Variants in KIAA1217 observed in about 807,000 individuals in gnomAD.
KIAA1217 encodes sickle tail protein homolog.
Under a neutral mutation model 163.9 loss-of-function variants are expected in KIAA1217, and 88 were observed. That is an observed-to-expected ratio of 0.54 (90% CI 0.45 to 0.64). The LOEUF is 0.64. Among genes scored for constraint, KIAA1217 ranks in the 30% least tolerant of loss-of-function variants. The pLI, the probability that KIAA1217 is intolerant of heterozygous loss-of-function variation, is 0.00. For synonymous variants in KIAA1217, 903 were observed against 923.1 expected, an observed-to-expected ratio of 0.98 and a Z score of 0.39; for missense variants, 2,372 against 2,475.0, an observed-to-expected ratio of 0.96 and a Z score of 0.88.
intron 5 of KIAA1217, among the ~76,000 whole-genome samples, chr10:24,472,612 C>A (rs541647036): frequency 9.8e-4 from 150 of 152,286 alleles, no homozygotes; most frequent in African/African-American, 3.4e-3. Flanking sequence ...TTTAAGCCAC[C>A]ACACTATTTT....
intron 1 of KIAA1217, among the ~76,000 whole-genome samples, chr10:23,802,424 C>CT (rs1282369953): frequency 6.6e-6 from 1 of 152,194 alleles, no homozygotes; most frequent in Non-Finnish European, 1.5e-5. Flanking sequence ...CATAGTTTAT[C>CT]TACCTTTACA....
chr10:24,378,067 G>A (rs982920553), intron 2 of KIAA1217, among the ~76,000 whole-genome samples: 4 of 152,178 alleles, frequency 2.6e-5, no homozygotes, highest in Non-Finnish European at 4.4e-5. Flanking sequence ...ATACAGATTC[G>A]CTTTATTTTT....
intron 2 of KIAA1217, among the ~76,000 whole-genome samples, chr10:24,117,166 T>A (rs375914472): frequency 1.3e-5 from 2 of 152,166 alleles, no homozygotes; most frequent in South Asian, 4.2e-4. Flanking sequence ...GCCTCCCTAG[T>A]AGCTGGGATT....
intron 1 of KIAA1217, among the ~76,000 whole-genome samples, chr10:23,864,591 C>T (rs1400087014): frequency 6.6e-6 from 1 of 150,836 alleles, no homozygotes; most frequent in African/African-American, 2.4e-5. Flanking sequence ...AAAAATTCTT[C>T]CTGAATTTTT....
rs553146074 is a variant in KIAA1217, at chr10:24,189,472, C to T, written c.-170-30154C>T. On this transcript the variant is annotated intron_variant, in intron 2 of 18. Transcript: ENST00000376462. Reference sequence around the variant, plus strand: ...AAATATTTTTCTATCCCTTATCTTCCCCCCAAACACACATGTGCACACACT... The same window carrying T: ...AAATATTTTTCTATCCCTTATCTTCTCCCCAAACACACATGTGCACACACT... 7.9e-5 allele frequency among the ~76,000 whole-genome samples: 12 copies of T among 152,150 alleles called. No homozygotes were observed. The South Asian group carries it at 1.0e-3, about 13-fold the overall frequency.
rs767644897 is a variant in KIAA1217, at chr10:24,473,479, C to T, written c.1098C>T (p.Ala366=). 2 of 1,614,172 alleles carry T rather than the reference C, an allele frequency of 1.2e-6. No homozygotes were observed. Among genetic ancestry groups the T allele is most frequent in the Non-Finnish European group, 1.7e-6 (2 of 1,180,034 alleles). Residue 366 remains alanine (A), a synonymous_variant, in exon 6 of 21, where the codon GCC becomes GCT. Transcript: ENST00000376454. Reference sequence around the variant, plus strand: ...GACCCATCTCTCCAAGCCCAAGCGCCATTTTAGAAAGAAGAGATGTCAAGC... The same window carrying T: ...GACCCATCTCTCCAAGCCCAAGCGCTATTTTAGAAAGAAGAGATGTCAAGC... ...VSRPISPSPS[A]ILERRDVKPD... is the part of the protein sequence containing the mutation.
chr10:24,038,314 A>C (rs1288768037), intron 2 of KIAA1217, among the ~76,000 whole-genome samples: 2 of 152,164 alleles, frequency 1.3e-5, no homozygotes, highest in Non-Finnish European at 2.9e-5. Context: ...TAAAATATTG[A>C]CTTTGTGGAT....
At chr10:24,106,843 G>A (rs752695890) in intron 2 of KIAA1217, among the ~76,000 whole-genome samples, 29 of 151,556 alleles carry the variant, frequency 1.9e-4, no homozygotes, top group Non-Finnish European at 3.7e-4. Flanking sequence ...ATTCTTTTTT[G>A]TTGTTGTGTT....
intron 2 of KIAA1217, among the ~76,000 whole-genome samples, chr10:24,077,787 A>G (rs2061415049): frequency 6.6e-6 from 1 of 152,188 alleles, no homozygotes; most frequent in Admixed American, 6.5e-5. Context: ...CAGCTAATTG[A>G]TAATTGATAT....
chr10:24,432,880 C>A, intron 3 of KIAA1217, 115 bp from the exon 4 acceptor site: 1 of 732,082 alleles, frequency 1.4e-6, no homozygotes. Context: ...TTGTTACATG[C>A]TTGCCAAGCT....
chr10:23,934,598 TATATATATGTATATATATATATA>T lies in KIAA1217; in HGVS notation c.-320-72626_-320-72604del, dbSNP rs1468813004. On this transcript the variant is annotated intron_variant, in intron 1 of 18. Transcript: ENST00000376462. Reference sequence around the variant, plus strand: ...ATATATATATATATATATGTATATATATATATATGTATATATATATATATATATTTTTTTTTTGAGACGGAGTC... The same window carrying T: ...ATATATATATATATATATGTATATATTATATTTTTTTTTTGAGACGGAGTC... Among the ~76,000 whole-genome samples the T allele has an allele frequency of 1.5e-4, 13 of 85,526 alleles. 2 individuals carry two copies. In the African/African-American group the frequency reaches 1.5e-3, roughly 10 times the overall value. 56.1% of individuals were successfully genotyped at this position (85,526 alleles called of 152,430 possible).
At chr10:23,739,397 A>T (rs533742845) in intron 1 of KIAA1217, among the ~76,000 whole-genome samples, 3 of 152,318 alleles carry the variant, frequency 2.0e-5, no homozygotes, top group African/African-American at 7.2e-5. Flanking sequence ...TTTGTTTTTT[A>T]AAAAAGTAGA....
chr10:23,817,385 C>T (rs1837357492), intron 1 of KIAA1217, among the ~76,000 whole-genome samples: 2 of 152,164 alleles, frequency 1.3e-5, no homozygotes, highest in Non-Finnish European at 2.9e-5. Flanking sequence ...AAAGTCTTCA[C>T]TTGCATTGTT....
At chr10:24,260,586 C>CAAAAAAAAAAAA (rs11352927) in intron 2 of KIAA1217, among the ~76,000 whole-genome samples, 1 of 61,164 alleles carries the variant, frequency 1.6e-5, no homozygotes. Context: ...CTCATCTCTA[C>CAAAAAAAAAAAA]AAAAAAAAAA....
At chr10:24,536,291 T>C (rs1321907633) in intron 16 of KIAA1217, among the ~76,000 whole-genome samples, 2 of 152,214 alleles carry the variant, frequency 1.3e-5, no homozygotes, top group Non-Finnish European at 2.9e-5. Context: ...TAGTACCTGT[T>C]ACTATTTCAG....
chr10:24,043,200 C>G (rs1564631486), intron 2 of KIAA1217, among the ~76,000 whole-genome samples: 5 of 152,098 alleles, frequency 3.3e-5, no homozygotes, highest in Admixed American at 2.6e-4. Context: ...GTACCAAGAA[C>G]TACATATTAA....
chr10:23,887,692 C>T (rs1378812800), intron 1 of KIAA1217, among the ~76,000 whole-genome samples: 1 of 151,574 alleles, frequency 6.6e-6, no homozygotes, highest in Non-Finnish European at 1.5e-5. Flanking sequence ...TTTGAAAGAA[C>T]CTGAAATTTT....
intron 2 of KIAA1217, among the ~76,000 whole-genome samples, chr10:24,244,557 CTTTCT>C: frequency 1.6e-5 from 2 of 123,878 alleles, no homozygotes; most frequent in African/African-American, 3.0e-5. Context: ...TCTTTTCTTT[CTTTCT>C]TTTTTTTTTT....
intron 2 of KIAA1217, among the ~76,000 whole-genome samples, chr10:24,026,584 T>A (rs543802800): frequency 6.6e-6 from 1 of 151,928 alleles, no homozygotes; most frequent in South Asian, 2.1e-4. Flanking sequence ...TATGATTATA[T>A]CCTCTCTTTC....
Sources: gnomAD v4.1 joint callset for allele counts (sites outside exome capture counted in the v4.1 genomes callset) on GRCh38, gnomAD v4.1.1 for gene constraint, MANE v1.5 for transcripts, NCBI Gene and HGNC (gene_info 2026-07-23, HGNC 2026-07-21) for gene names.